NRG3: variants seen among roughly 807,000 people sequenced by gnomAD.
NRG3 encodes neuregulin 3, also known as pro-neuregulin-3, membrane-bound isoform.
Under a neutral mutation model 66.9 loss-of-function variants are expected in NRG3, and 31 were observed. That is an observed-to-expected ratio of 0.46 (90% CI 0.35 to 0.63). NRG3 has a LOEUF of 0.63. Ranked by LOEUF, NRG3 falls within the 20% of genes least tolerant of loss-of-function variation. The pLI is 0.00. For synonymous variants in NRG3, 393 were observed against 359.4 expected (o/e 1.09, Z -1.06); for missense variants, 910 against 878.9 (o/e 1.04, Z -0.45).
intron 2 of NRG3, among the ~76,000 whole-genome samples, chr10:82,595,007 G>T (rs965479796): frequency 2.6e-5 from 4 of 151,044 alleles, no homozygotes; most frequent in African/African-American, 9.8e-5. Flanking sequence ...ATTTTTTAGA[G>T]ATGGGGTCTT....
chr10:81,960,122 G>C (rs916520157), intron 1 of NRG3, among the ~76,000 whole-genome samples: 3 of 151,806 alleles, frequency 2.0e-5, no homozygotes, highest in African/African-American at 7.3e-5. Flanking sequence ...TGCGGCACAT[G>C]TTCTATTCAC....
chr10:82,237,838 T>C (rs928127729), intron 1 of NRG3, among the ~76,000 whole-genome samples: 1 of 152,202 alleles, frequency 6.6e-6, no homozygotes, highest in Non-Finnish European at 1.5e-5. Context: ...TTTCCAAATC[T>C]AGTAACAGGA....
At chr10:82,802,763 C>T in intron 3 of NRG3, among the ~76,000 whole-genome samples, 1 of 152,112 alleles carries the variant, frequency 6.6e-6, no homozygotes, top group East Asian at 1.9e-4. Flanking sequence ...AACCATCTGC[C>T]CCACTCAGCC....
At chr10:82,190,142 A>C (rs781195909) in intron 1 of NRG3, among the ~76,000 whole-genome samples, 1 of 152,160 alleles carries the variant, frequency 6.6e-6, no homozygotes, top group South Asian at 2.1e-4. Context: ...TTACTTTTAT[A>C]GTGAAAAGGG....
intron 2 of NRG3, among the ~76,000 whole-genome samples, chr10:82,616,584 G>A (rs2048664375): frequency 6.6e-6 from 1 of 152,086 alleles, no homozygotes; most frequent in Non-Finnish European, 1.5e-5. Context: ...CCATCTCAGA[G>A]CATCACATCT....
chr10:82,715,815 G>T (rs893269810), intron 2 of NRG3, among the ~76,000 whole-genome samples: 1 of 152,094 alleles, frequency 6.6e-6, no homozygotes, highest in Non-Finnish European at 1.5e-5. Flanking sequence ...CTGGAGGCTG[G>T]AGGTTGAATT....
intron 2 of NRG3, among the ~76,000 whole-genome samples, chr10:82,628,684 A>C (rs536202644): frequency 2.0e-5 from 3 of 152,268 alleles, no homozygotes; most frequent in African/African-American, 7.2e-5. Context: ...CACTCTGGGA[A>C]GCCCTTAGAA....
intron 2 of NRG3, among the ~76,000 whole-genome samples, chr10:82,649,632 T>G (rs2133878111): frequency 6.6e-6 from 1 of 152,068 alleles, no homozygotes; most frequent in East Asian, 2.0e-4. Context: ...TTTTGTATTT[T>G]TAATAGAGAC....
intron 2 of NRG3, among the ~76,000 whole-genome samples, chr10:82,638,252 C>T (rs553857942): frequency 6.6e-6 from 1 of 152,254 alleles, no homozygotes; most frequent in African/African-American, 2.4e-5. Context: ...GATTTCCATG[C>T]CATGTTCAAA....
At chr10:82,757,657 C>T (rs1391992455) in intron 3 of NRG3, among the ~76,000 whole-genome samples, 1 of 151,994 alleles carries the variant, frequency 6.6e-6, no homozygotes, top group African/African-American at 2.4e-5. Context: ...CTAATGACGA[C>T]CCCTTTGAGA....
intron 2 of NRG3, among the ~76,000 whole-genome samples, chr10:82,476,100 A>C (rs1214063726): frequency 6.6e-6 from 1 of 152,168 alleles, no homozygotes; most frequent in Admixed American, 6.5e-5. Flanking sequence ...AACATCAACA[A>C]TCACTAGGGC....
intron 3 of NRG3, among the ~76,000 whole-genome samples, chr10:82,778,584 C>T (rs946378082): frequency 1.3e-5 from 2 of 152,162 alleles, no homozygotes; most frequent in African/African-American, 4.8e-5. Flanking sequence ...CCTTGTCCCT[C>T]CCTTGACACA....
chr10:82,604,590 G>T (rs539148900), intron 2 of NRG3, among the ~76,000 whole-genome samples: 2 of 152,148 alleles, frequency 1.3e-5, no homozygotes, highest in African/African-American at 4.8e-5. Context: ...TATTTGACTT[G>T]AGGACATGCT....
At chr10:82,467,882 C>G (rs1199359154) in intron 2 of NRG3, among the ~76,000 whole-genome samples, 1 of 151,840 alleles carries the variant, frequency 6.6e-6, no homozygotes, top group Non-Finnish European at 1.5e-5. Context: ...GTAATATGGC[C>G]TTTGTGCCCA....
At chr10:82,288,271 A>T (rs2079534712) in intron 1 of NRG3, among the ~76,000 whole-genome samples, 1 of 152,202 alleles carries the variant, frequency 6.6e-6, no homozygotes, top group Non-Finnish European at 1.5e-5. Flanking sequence ...AATTTATTTA[A>T]TATTCACAAC....
chr10:82,973,101 GT>G (rs1220031937), intron 6 of NRG3, among the ~76,000 whole-genome samples: 1 of 152,148 alleles, frequency 6.6e-6, no homozygotes. Context: ...GAGTGTTAAA[GT>G]TGACAACTTA....
intron 1 of NRG3, among the ~76,000 whole-genome samples, chr10:82,116,932 C>T (rs1316650481): frequency 6.6e-6 from 1 of 152,104 alleles, no homozygotes. Flanking sequence ...TGCTCAGTTG[C>T]TCAGGCTTTG....
chr10:82,361,144 G>A (rs2084113602), intron 2 of NRG3, among the ~76,000 whole-genome samples: 1 of 152,182 alleles, frequency 6.6e-6, no homozygotes, highest in Admixed American at 6.5e-5. Flanking sequence ...TTGCTTTTGT[G>A]AGATGCATGT....
chr10:82,941,799 T>C lies in NRG3; in HGVS notation c.1055-9670T>C, dbSNP rs183121312. Among the ~76,000 whole-genome samples, 530 of 152,302 alleles carry C rather than the reference T, an allele frequency of 3.5e-3. 15 individuals carry two copies. Among genetic ancestry groups the C allele is most frequent in the Admixed American group, 0.028 (433 of 15,282 alleles). On this transcript the variant is annotated intron_variant, in intron 4 of 8. Transcript: ENST00000372141. ...ACTTTTGCTTCTCTATGTAGACTCTTAACTTCAGGGCCTCAGATAATGAAT... is the reference window on the plus strand; with the variant it reads ...ACTTTTGCTTCTCTATGTAGACTCTCAACTTCAGGGCCTCAGATAATGAAT...
Sources: gnomAD v4.1 joint callset for allele counts (sites outside exome capture counted in the v4.1 genomes callset) on GRCh38, gnomAD v4.1.1 for gene constraint, MANE v1.5 for transcripts, NCBI Gene and HGNC (gene_info 2026-07-23, HGNC 2026-07-21) for gene names.